MDGA2: variants seen among roughly 807,000 people sequenced by gnomAD.
MDGA2 encodes MAM domain containing glycosylphosphatidylinositol anchor 2.
A neutral mutation model predicts 117.8 loss-of-function variants in MDGA2; 40 were observed. That is an observed-to-expected ratio of 0.34 (90% CI 0.26 to 0.44). MDGA2 has a LOEUF of 0.44. MDGA2 is among the 20% of genes least tolerant of loss of function. MDGA2 has a pLI of 1.00. For missense variants in MDGA2, 1,123 were observed against 1,250.6 expected (o/e 0.90, Z 1.54); for synonymous variants, 452 against 439.0 (o/e 1.03, Z -0.37).
intron 1 of MDGA2, among the ~76,000 whole-genome samples, chr14:47,487,537 C>T (rs999993047): frequency 6.6e-6 from 1 of 152,160 alleles, no homozygotes; most frequent in Non-Finnish European, 1.5e-5. Flanking sequence ...ACTAACTTCA[C>T]TGAATAGTCA....
At chr14:47,457,981 T>A (rs535858335) in intron 1 of MDGA2, among the ~76,000 whole-genome samples, 2 of 149,180 alleles carry the variant, frequency 1.3e-5, no homozygotes, top group South Asian at 4.3e-4. Flanking sequence ...TAATTTTTTA[T>A]CTTTTCCATA....
intron 1 of MDGA2, among the ~76,000 whole-genome samples, chr14:47,670,679 C>G (rs1312633535): frequency 6.6e-6 from 1 of 152,066 alleles, no homozygotes; most frequent in Admixed American, 6.6e-5. Context: ...TATCCTAAAT[C>G]TAATGAAATG....
chr14:47,533,501 G>A (rs1895144009), intron 1 of MDGA2, among the ~76,000 whole-genome samples: 1 of 152,202 alleles, frequency 6.6e-6, no homozygotes, highest in African/African-American at 2.4e-5. Flanking sequence ...GGGACTAAGA[G>A]GCTTGGAAGA....
At chr14:47,025,308 T>C (rs1199437305) in intron 8 of MDGA2, among the ~76,000 whole-genome samples, 2 of 152,254 alleles carry the variant, frequency 1.3e-5, no homozygotes, top group African/African-American at 4.8e-5. Context: ...CTACATTAAA[T>C]TGCTTCTGGA....
chr14:47,516,079 T>C (rs10483569), intron 1 of MDGA2, among the ~76,000 whole-genome samples: 16,475 of 152,196 alleles, frequency 0.11, 993 homozygotes, highest in Middle Eastern at 0.15. Flanking sequence ...TAGTACATTT[T>C]CTTAGGCACA....
At chr14:47,107,429 A>G (rs958289242) in intron 5 of MDGA2, among the ~76,000 whole-genome samples, 4 of 151,952 alleles carry the variant, frequency 2.6e-5, no homozygotes, top group Non-Finnish European at 4.4e-5. Flanking sequence ...TCTGTTCTAG[A>G]TCTCAAACAT....
At chr14:47,452,214 T>C (rs1367770147) in intron 1 of MDGA2, among the ~76,000 whole-genome samples, 4 of 152,142 alleles carry the variant, frequency 2.6e-5, no homozygotes, top group African/African-American at 9.6e-5. Context: ...TACTGATGCA[T>C]GATGTAGACA....
chr14:47,232,908 A>G (rs1886739501), intron 2 of MDGA2, among the ~76,000 whole-genome samples: 2 of 152,166 alleles, frequency 1.3e-5, no homozygotes, highest in Non-Finnish European at 2.9e-5. Flanking sequence ...AAGTGGCACC[A>G]TCAACAGAGT....
At chr14:47,544,441 C>T (rs1271201368) in intron 1 of MDGA2, among the ~76,000 whole-genome samples, 1 of 152,110 alleles carries the variant, frequency 6.6e-6, no homozygotes, top group East Asian at 1.9e-4. Context: ...CTCTTCAAAT[C>T]CAATTCTGAA....
intron 3 of MDGA2, among the ~76,000 whole-genome samples, chr14:47,180,387 G>C (rs1884650751): frequency 6.6e-6 from 1 of 152,098 alleles, no homozygotes; most frequent in South Asian, 2.1e-4. Context: ...CACAGCAAAA[G>C]AAACTATCAA....
chr14:47,490,937 C>G (rs1040554970), intron 1 of MDGA2, among the ~76,000 whole-genome samples: 3 of 152,116 alleles, frequency 2.0e-5, no homozygotes, highest in African/African-American at 7.2e-5. Flanking sequence ...GAGGGAACAA[C>G]ATTTCACAGA....
At chr14:47,490,861 C>T (rs1357254424) in intron 1 of MDGA2, among the ~76,000 whole-genome samples, 2 of 152,030 alleles carry the variant, frequency 1.3e-5, no homozygotes, top group Non-Finnish European at 2.9e-5. Context: ...AACCTTCTTA[C>T]GGGAATCAGT....
chr14:47,373,274 T>A (rs1594822958), intron 1 of MDGA2, among the ~76,000 whole-genome samples: 1 of 152,018 alleles, frequency 6.6e-6, no homozygotes, highest in South Asian at 2.1e-4. Flanking sequence ...CAGTAAAGGA[T>A]AAAGTATATA....
chr14:47,188,925 A>T (rs192597816), intron 3 of MDGA2, among the ~76,000 whole-genome samples: 1 of 152,216 alleles, frequency 6.6e-6, no homozygotes, highest in Admixed American at 6.5e-5. Context: ...TATTTACTGA[A>T]CTTCAAGTAA....
chr14:47,373,101 G>A (rs1643221266), intron 1 of MDGA2, among the ~76,000 whole-genome samples: 1 of 151,926 alleles, frequency 6.6e-6, no homozygotes, highest in Admixed American at 6.6e-5. Context: ...AAGCATTCAA[G>A]AACAGTATAG....
At position 47,281,926 on chromosome 14, in the gene MDGA2, G is replaced by A. The variant is rs189340199; in HGVS notation, c.420+19485C>T. 2.2e-3 allele frequency among the ~76,000 whole-genome samples: 337 copies of A among 151,614 alleles called. 2 individuals carry two copies. The highest frequency in any genetic ancestry group is 7.7e-3 in the African/African-American group (317 of 41,314). On this transcript the variant is annotated intron_variant, in intron 2 of 16. Coordinates refer to ENST00000399232, the MANE Select transcript of MDGA2 (RefSeq NM_001113498.3). ...ACAAAAATTAGTCGGGTGTGGCGGC[G>A]CGCCTGTTGTCCCAGCTACTCGGGA...
intron 4 of MDGA2, among the ~76,000 whole-genome samples, chr14:47,139,562 G>A (rs902416742): frequency 5.3e-5 from 8 of 150,854 alleles, no homozygotes; most frequent in Non-Finnish European, 7.4e-5. Flanking sequence ...TCTTATTTAC[G>A]TCATGAAGCC....
chr14:47,143,131 G>T (rs539758474), intron 4 of MDGA2, among the ~76,000 whole-genome samples: 5 of 151,890 alleles, frequency 3.3e-5, no homozygotes, highest in Admixed American at 6.6e-5. Flanking sequence ...TTACAGGCAC[G>T]TGCCACCATG....
chr14:46,959,711 C>G (rs139311367), intron 8 of MDGA2, among the ~76,000 whole-genome samples: 25 of 152,062 alleles, frequency 1.6e-4, no homozygotes, highest in African/African-American at 5.8e-4. Flanking sequence ...TCATTCTGAT[C>G]TTTTTGCCAC....
Sources: gnomAD v4.1 joint callset for allele counts (sites outside exome capture counted in the v4.1 genomes callset) on GRCh38, gnomAD v4.1.1 for gene constraint, MANE v1.5 for transcripts, NCBI Gene and HGNC (gene_info 2026-07-23, HGNC 2026-07-21) for gene names.